NCOA2: variants seen among roughly 807,000 people sequenced by gnomAD.
The protein encoded by NCOA2 is class E basic helix-loop-helix protein 75.
Under a neutral mutation model 145.1 loss-of-function variants are expected in NCOA2, and 21 were observed. That is an observed-to-expected ratio of 0.14 (90% CI 0.10 to 0.21). The LOEUF is 0.21. NCOA2 is among the 10% of genes least tolerant of loss of function. NCOA2 has a pLI of 1.00. For missense variants in NCOA2, 1,472 were observed against 1,837.6 expected, an observed-to-expected ratio of 0.80 and a Z score of 3.64; for synonymous variants, 619 against 637.5, an observed-to-expected ratio of 0.97 and a Z score of 0.44.
At chr8:70,293,161 AT>A (rs1563731689) in intron 2 of NCOA2, among the ~76,000 whole-genome samples, 1 of 152,190 alleles carries the variant, frequency 6.6e-6, no homozygotes, top group Non-Finnish European at 1.5e-5. Context: ...CAAAAGATAT[AT>A]ATTTCAGTAT....
At chr8:70,224,944 T>C (rs1014501590) in intron 2 of NCOA2, among the ~76,000 whole-genome samples, 2 of 151,980 alleles carry the variant, frequency 1.3e-5, no homozygotes, top group African/African-American at 4.8e-5. Flanking sequence ...TGCTCCTCTG[T>C]TCCCCTACCC....
At chr8:70,368,977 T>C (rs1810974887) in intron 1 of NCOA2, among the ~76,000 whole-genome samples, 1 of 152,184 alleles carries the variant, frequency 6.6e-6, no homozygotes, top group East Asian at 1.9e-4. Context: ...TATTAAATGT[T>C]TTCCAAAAAT....
chr8:70,193,388 CTCTT>C (rs1816902636), intron 4 of NCOA2, among the ~76,000 whole-genome samples: 1 of 152,096 alleles, frequency 6.6e-6, no homozygotes, highest in African/African-American at 2.4e-5. Context: ...GTTAAAAGGT[CTCTT>C]TCTTTCTTAA....
chr8:70,267,392 G>GTTTTTTTTTTTTT (rs34028372), intron 2 of NCOA2, among the ~76,000 whole-genome samples: 3 of 102,494 alleles, frequency 2.9e-5, no homozygotes, highest in Non-Finnish European at 2.0e-5. Context: ...TTTCCTTTCT[G>GTTTTTTTTTTTTT]TTTTTTTTTT....
At chr8:70,250,842 C>T (rs1040155006) in intron 2 of NCOA2, among the ~76,000 whole-genome samples, 2 of 151,922 alleles carry the variant, frequency 1.3e-5, no homozygotes, top group Non-Finnish European at 1.5e-5. Context: ...ATTTGTAAAC[C>T]CATTAGCATT....
chr8:70,228,951 G>A (rs1820902470), intron 2 of NCOA2, among the ~76,000 whole-genome samples: 2 of 152,168 alleles, frequency 1.3e-5, no homozygotes, highest in South Asian at 2.1e-4. Flanking sequence ...CAGTATATAC[G>A]TGTTCATAGC....
At position 70,283,308 on chromosome 8, in the gene NCOA2, A is replaced by C. The variant is rs978649198; in HGVS notation, c.-20+13436T>G. 2.0e-5 allele frequency among the ~76,000 whole-genome samples: 3 copies of C among 152,346 alleles called. No individual in the cohort carries two copies. In the South Asian group the frequency reaches 6.2e-4, roughly 32 times the overall value. On this transcript the variant is annotated intron_variant, in intron 2 of 22. Transcript: ENST00000452400. ...TGTATCATTTTTTTCCTTCACTCTCAAAGTGGAGATGTGTATTCGTAATAC... is the reference window on the plus strand; with the variant it reads ...TGTATCATTTTTTTCCTTCACTCTCCAAGTGGAGATGTGTATTCGTAATAC...
intron 1 of NCOA2, among the ~76,000 whole-genome samples, chr8:70,375,690 A>G (rs993778209): frequency 6.6e-6 from 1 of 152,188 alleles, no homozygotes; most frequent in African/African-American, 2.4e-5. Flanking sequence ...GAACCTGGTT[A>G]GAGTTCCACA....
chr8:70,298,933 C>T (rs1216382642), intron 1 of NCOA2, among the ~76,000 whole-genome samples: 16 of 151,992 alleles, frequency 1.1e-4, no homozygotes, highest in African/African-American at 2.9e-4. Context: ...TGGTGGCAGG[C>T]GCCTGTAGTT....
chr8:70,322,004 TAC>T (rs1450218612), intron 1 of NCOA2, among the ~76,000 whole-genome samples: 1 of 151,496 alleles, frequency 6.6e-6, no homozygotes, highest in Non-Finnish European at 1.5e-5. Flanking sequence ...TAATCCCAGG[TAC>T]GTGGGAGGCT....
At chr8:70,440,167 C>G in the NCOA2 span, among the ~76,000 whole-genome samples, 1 of 152,132 alleles carries the variant, frequency 6.6e-6, no homozygotes, top group Non-Finnish European at 1.5e-5. Context: ...CACCTGTAGT[C>G]TCGGGAGGCT....
intron 2 of NCOA2, among the ~76,000 whole-genome samples, chr8:70,242,974 T>C (rs1281824027): frequency 1.3e-5 from 2 of 152,082 alleles, no homozygotes; most frequent in Non-Finnish European, 2.9e-5. Flanking sequence ...AAGCTAGACA[T>C]CTGGCTTGTT....
intron 1 of NCOA2, among the ~76,000 whole-genome samples, chr8:70,342,529 C>G (rs1389219200): frequency 6.6e-6 from 1 of 151,918 alleles, no homozygotes; most frequent in Non-Finnish European, 1.5e-5. Flanking sequence ...GCATTAAATA[C>G]TTCAGCTTCC....
At chr8:70,354,790 C>A (rs1008432434) in intron 1 of NCOA2, among the ~76,000 whole-genome samples, 6 of 152,096 alleles carry the variant, frequency 3.9e-5, no homozygotes, top group Admixed American at 6.5e-5. Flanking sequence ...TAATAACAAT[C>A]TTGAAAAAAT....
intron 2 of NCOA2, among the ~76,000 whole-genome samples, chr8:70,259,851 A>G (rs2977982): frequency 0.9 from 136,287 of 152,266 alleles, 61,434 homozygotes; most frequent in African/African-American, 0.95. Flanking sequence ...AAAGTCTTAT[A>G]ACTGGGAATC....
intron 21 of NCOA2, among the ~76,000 whole-genome samples, chr8:70,122,270 G>C (rs999322078): frequency 2.0e-5 from 3 of 152,166 alleles, no homozygotes; most frequent in African/African-American, 7.2e-5. Context: ...TATTTTAAGA[G>C]ATAGGGTCTT....
At position 70,163,469 on chromosome 8, in the gene NCOA2, G is replaced by A; in HGVS notation, c.828C>T (p.Leu276=). Residue 276 remains leucine (L), a synonymous_variant, in exon 8 of 23, where the codon CTC becomes CTT. Coordinates refer to ENST00000452400, the MANE Select transcript of NCOA2 (RefSeq NM_006540.4). ...SSESFTTRQD[L]QGKITSLDTS... is the part of the protein sequence containing the mutation. ...TTCTTTGGAGAGGAAATTTACCTTG[G>A]AGATCCTGGCGAGTAGTAAAACTTT... 6.2e-7 allele frequency: 1 copy of A among 1,611,474 alleles called. No individual in the cohort carries two copies. Among genetic ancestry groups the A allele is most frequent in the South Asian group, 1.1e-5 (1 of 90,936 alleles).
intron 4 of NCOA2, among the ~76,000 whole-genome samples, chr8:70,177,417 T>C (rs1430795493): frequency 6.6e-6 from 1 of 152,156 alleles, no homozygotes; most frequent in African/African-American, 2.4e-5. Context: ...GACCAGGTTT[T>C]CACTGCATCT....
At chr8:70,220,447 T>C (rs1450205373) in intron 2 of NCOA2, among the ~76,000 whole-genome samples, 2 of 152,226 alleles carry the variant, frequency 1.3e-5, no homozygotes, top group Non-Finnish European at 2.9e-5. Flanking sequence ...TCTTGTTATC[T>C]GTAACAACAC....
Sources: allele counts gnomAD v4.1 joint callset (sites outside exome capture counted in the v4.1 genomes callset), GRCh38; gene constraint gnomAD v4.1.1; transcripts MANE v1.5; gene names NCBI Gene and HGNC (gene_info 2026-07-23, HGNC 2026-07-21).